Variants in TMEM255A observed in about 807,000 individuals in gnomAD.
TMEM255A encodes transmembrane protein 255A.
A neutral mutation model predicts 23.5 loss-of-function variants in TMEM255A; 14 were observed. That is an observed-to-expected ratio of 0.60 (90% CI 0.39 to 0.93). TMEM255A has a LOEUF of 0.93. TMEM255A is among the 40% of genes least tolerant of loss of function. The pLI is 0.00. For missense variants in TMEM255A, 233 were observed against 261.7 expected (o/e 0.89, Z 0.76); for synonymous variants, 104 against 100.3 (o/e 1.04, Z -0.22).
intron 6 of TMEM255A, among the ~76,000 whole-genome samples, chrX:120,277,954 C>T (rs1325869241): frequency 8.9e-6 from 1 of 112,012 alleles, no homozygotes; most frequent in Non-Finnish European, 1.9e-5. Context: ...CCCAATGTGA[C>T]TGTATTTTTA....
intron 8 of TMEM255A, among the ~76,000 whole-genome samples, 176 bp from the exon 9 acceptor site, chrX:120,261,204 G>T (rs976213003): frequency 2.7e-5 from 3 of 111,727 alleles, no homozygotes; most frequent in Non-Finnish European, 5.6e-5. Flanking sequence ...AGTCACTCAG[G>T]CTACAAGCCA....
chrX:120,286,345 G>C (rs1255689318), intron 5 of TMEM255A, among the ~76,000 whole-genome samples: 1 of 111,798 alleles, frequency 8.9e-6, no homozygotes, highest in Non-Finnish European at 1.9e-5. Flanking sequence ...TAACTATTTG[G>C]GAATGATTGA....
At chrX:120,270,687 G>T (rs1351451603) in intron 7 of TMEM255A, among the ~76,000 whole-genome samples, 2 of 110,938 alleles carry the variant, frequency 1.8e-5, no homozygotes, top group Non-Finnish European at 3.8e-5. Flanking sequence ...TTCCTTTCAG[G>T]ATCCCACAAC....
At position 120,293,416 on chromosome X, in the gene TMEM255A, A is replaced by C. The variant is rs186818893; in HGVS notation, c.264+573T>G. Among the ~76,000 whole-genome samples, 36 of 113,248 alleles carry C rather than the reference A, an allele frequency of 3.2e-4. No individual in the cohort carries two copies. In the East Asian group the frequency reaches 9.9e-3, roughly 31 times the overall value. The stretch of plus-strand genomic sequence containing the variant: ...TATGCTTGTCCTTCCTTTCAATCTT[A>C]CAACATGCTTAGCTTTGAACTATGG... On this transcript the variant is annotated intron_variant, in intron 3 of 8. Coordinates refer to ENST00000371369, the MANE Select transcript of TMEM255A (RefSeq NM_001104544.3).
At chrX:120,269,095 T>C (rs1194599076) in intron 7 of TMEM255A, among the ~76,000 whole-genome samples, 9 of 104,585 alleles carry the variant, frequency 8.6e-5, no homozygotes, top group African/African-American at 3.1e-4. Flanking sequence ...ACAGAAGCCA[T>C]GAAAGACCAA....
At chrX:120,298,334 A>G (rs2058011284) in intron 2 of TMEM255A, among the ~76,000 whole-genome samples, 1 of 111,740 alleles carries the variant, frequency 8.9e-6, no homozygotes, top group Non-Finnish European at 1.9e-5. Flanking sequence ...AAGACCACTC[A>G]GGCTAAAGGA....
intron 1 of TMEM255A, among the ~76,000 whole-genome samples, chrX:120,304,741 G>A (rs1278164667): frequency 9.0e-6 from 1 of 111,366 alleles, no homozygotes; most frequent in Non-Finnish European, 1.9e-5. Flanking sequence ...CACCAGTTAC[G>A]TAAAAACAAA....
intron 4 of TMEM255A, among the ~76,000 whole-genome samples, chrX:120,287,697 T>G (rs1487186157): frequency 8.9e-6 from 1 of 111,734 alleles, no homozygotes; most frequent in African/African-American, 3.3e-5. Flanking sequence ...CGCATCATTT[T>G]CAGAAGGAAG....
chrX:120,297,945 G>T (rs1482242537), intron 2 of TMEM255A, among the ~76,000 whole-genome samples: 1 of 111,270 alleles, frequency 9.0e-6, no homozygotes, highest in Non-Finnish European at 1.9e-5. Flanking sequence ...CTAAACAATT[G>T]CTTGCTCCCC....
intron 2 of TMEM255A, among the ~76,000 whole-genome samples, chrX:120,300,326 A>G (rs2058024608): frequency 9.0e-6 from 1 of 111,447 alleles, no homozygotes; most frequent in Admixed American, 9.5e-5. Flanking sequence ...ATATTTGAGG[A>G]CAGTAAAATT....
chrX:120,280,076 C>T (rs782462387), intron 6 of TMEM255A, among the ~76,000 whole-genome samples: 61 of 91,904 alleles, frequency 6.6e-4, no homozygotes, highest in Non-Finnish European at 1.3e-3. Flanking sequence ...GGTCATGGCT[C>T]ACTGCAGCCT....
At position 120,287,093 on chromosome X, in the gene TMEM255A, T is replaced by C. The variant is rs1266823770; in HGVS notation, c.423+61A>G. ...ATGAAAAGGAGTAAAAGAAAGGGTGTTTCAGGCAGAACAGGGGACTTTCCC... is the reference window on the plus strand; with the variant it reads ...ATGAAAAGGAGTAAAAGAAAGGGTGCTTCAGGCAGAACAGGGGACTTTCCC... On this transcript the variant is annotated intron_variant, in intron 5 of 8. Coordinates refer to ENST00000371369, the MANE Select transcript of TMEM255A (RefSeq NM_001104544.3). The C allele has an allele frequency of 2.2e-5, 22 of 991,932 alleles. No individual in the cohort carries two copies. In the African/African-American group the frequency reaches 2.5e-4, roughly 11 times the overall value. 81.7% of individuals were successfully genotyped at this position (991,932 alleles called of 1,213,427 possible). A position where few individuals can be genotyped will look rare whatever the true frequency, so the allele number is the denominator to read the frequency against.
intron 8 of TMEM255A, among the ~76,000 whole-genome samples, chrX:120,263,542 T>A (rs2057694579): frequency 9.0e-6 from 1 of 111,528 alleles, no homozygotes; most frequent in Non-Finnish European, 1.9e-5. Context: ...CGTCAGGGCA[T>A]GCTTCTCTCC....
chrX:120,298,056 T>C (rs782236967), intron 2 of TMEM255A, among the ~76,000 whole-genome samples: 1 of 110,165 alleles, frequency 9.1e-6, no homozygotes, highest in African/African-American at 3.3e-5. Flanking sequence ...CCCCATTACC[T>C]GAACAAATAA....
intron 1 of TMEM255A, among the ~76,000 whole-genome samples, chrX:120,307,445 A>T (rs1311360426): frequency 8.9e-6 from 1 of 112,170 alleles, no homozygotes; most frequent in Non-Finnish European, 1.9e-5. Context: ...CACGTAAAAA[A>T]ACTCAGGCAC....
intron 5 of TMEM255A, 117 bp from the exon 6 acceptor site, chrX:120,285,332 C>T (rs1296484890): frequency 7.1e-6 from 5 of 706,228 alleles, no homozygotes; most frequent in Admixed American, 7.1e-5. Context: ...TTGAAATGAA[C>T]ACCCAATGTG....
At chrX:120,293,591 T>G (rs781879657) in intron 3 of TMEM255A, among the ~76,000 whole-genome samples, 31 of 112,921 alleles carry the variant, frequency 2.7e-4, no homozygotes, top group African/African-American at 1.0e-3. Flanking sequence ...CAAAAGATTA[T>G]GTATCAGAGA....
At chrX:120,277,955 T>A (rs1556020156) in intron 6 of TMEM255A, among the ~76,000 whole-genome samples, 1 of 112,139 alleles carries the variant, frequency 8.9e-6, no homozygotes, top group Non-Finnish European at 1.9e-5. Context: ...CCAATGTGAC[T>A]GTATTTTTAG....
chrX:120,285,695 A>T (rs999314874), intron 5 of TMEM255A: 40 of 1,208,791 alleles, frequency 3.3e-5, no homozygotes, highest in Non-Finnish European at 4.5e-5. Flanking sequence ...GGAACTTATG[A>T]CCTTATGTAG....
Sources: gnomAD v4.1 joint callset for allele counts (sites outside exome capture counted in the v4.1 genomes callset) on GRCh38, gnomAD v4.1.1 for gene constraint, MANE v1.5 for transcripts, NCBI Gene and HGNC (gene_info 2026-07-23, HGNC 2026-07-21) for gene names.